Variants in SLC39A9 observed in about 807,000 individuals in gnomAD.
SLC39A9 encodes the protein solute carrier family 39 member 9.
Under a neutral mutation model 28.4 loss-of-function variants are expected in SLC39A9, and 14 were observed. That is an observed-to-expected ratio of 0.49 (90% CI 0.33 to 0.77). The LOEUF is 0.77. Ranked by LOEUF, SLC39A9 falls within the 30% of genes least tolerant of loss-of-function variation. The pLI is 0.02. For synonymous variants in SLC39A9, 119 were observed against 149.6 expected, an observed-to-expected ratio of 0.80 and a Z score of 1.49; for missense variants, 283 against 381.1, an observed-to-expected ratio of 0.74 and a Z score of 2.14.
chr14:69,442,060 C>T lies in SLC39A9; in HGVS notation c.206-9C>T. 1 of 1,612,730 alleles carries T rather than the reference C, an allele frequency of 6.2e-7. No individual in the cohort carries two copies. Among genetic ancestry groups the T allele is most frequent in the Non-Finnish European group, 8.5e-7 (1 of 1,179,356 alleles). ...ACATATTTTCTCTTTATGGTTTATT[C>T]TGCTCTAGGAAAACACCACCAAGCA... On this transcript the variant is annotated splice_polypyrimidine_tract_variant and intron_variant, in intron 2 of 6. Transcript: ENST00000336643.
intron 1 of SLC39A9, among the ~76,000 whole-genome samples, chr14:69,414,408 T>C (rs1377126915): frequency 6.6e-6 from 1 of 152,252 alleles, no homozygotes; most frequent in Non-Finnish European, 1.5e-5. Context: ...TTCCCCATAA[T>C]GTTACTGACA....
Position 69,430,615 on chromosome 14 carries a change from C to G in SLC39A9, c.205+6413C>G, listed in dbSNP as rs1222550131. 3.5e-5 allele frequency among the ~76,000 whole-genome samples: 5 copies of G among 141,022 alleles called. No homozygotes were observed. In the East Asian group the frequency reaches 1.0e-3, roughly 28 times the overall value. 92.5% of individuals were successfully genotyped at this position (141,022 alleles called of 152,430 possible). A position where few individuals can be genotyped will look rare whatever the true frequency, so the allele number is the denominator to read the frequency against. On this transcript the variant is annotated intron_variant, in intron 2 of 6. Transcript: ENST00000336643. ...TCAAGTAGTGGAGTCCTTCTTTGTT[C>G]TTATTTTTCTTTCTTTTTTTTTTTT...
Position 69,461,490 on chromosome 14 carries a change from T to G in SLC39A9, c.*2897T>G. 1.4e-6 allele frequency: 2 copies of G among 1,424,384 alleles called. No individual in the cohort carries two copies. Among genetic ancestry groups the G allele is most frequent in the Non-Finnish European group, 1.8e-6 (2 of 1,092,542 alleles). 88.2% of individuals were successfully genotyped at this position (1,424,384 alleles called of 1,614,324 possible). Reference sequence around the variant, plus strand: ...TACTACCTACCTAGAGGTTATGTGTTTTCTCTTTCTCCCCGCTTTCACCTC... The same window carrying G: ...TACTACCTACCTAGAGGTTATGTGTGTTCTCTTTCTCCCCGCTTTCACCTC... On this transcript the variant is annotated 3_prime_UTR_variant, in exon 7 of 7. Coordinates refer to ENST00000336643, the MANE Select transcript of SLC39A9 (RefSeq NM_018375.5).
At chr14:69,429,679 C>T (rs753004557) in intron 2 of SLC39A9, among the ~76,000 whole-genome samples, 1 of 152,212 alleles carries the variant, frequency 6.6e-6, no homozygotes, top group African/African-American at 2.4e-5. Flanking sequence ...GATTGTGCCA[C>T]TGCACTCCAG....
At chr14:69,422,672 C>T (rs1883963283) in intron 1 of SLC39A9, among the ~76,000 whole-genome samples, 1 of 152,160 alleles carries the variant, frequency 6.6e-6, no homozygotes, top group African/African-American at 2.4e-5. Flanking sequence ...GCAACCTTCA[C>T]CTGCTGGGTT....
At chr14:69,450,747 C>G (rs1885567039) in intron 3 of SLC39A9, among the ~76,000 whole-genome samples, 1 of 152,182 alleles carries the variant, frequency 6.6e-6, no homozygotes, top group African/African-American at 2.4e-5. Flanking sequence ...TCACTCCAGC[C>G]TGGGCAACAA....
chr14:69,424,184 T>C lies in SLC39A9; in HGVS notation c.187T>C (p.Tyr63His). Reference sequence around the variant, plus strand: ...CGTGCCTGAAGGAGTACATGCCCTTTATGAAGATATTCTTGAGGGTGAGAA... The same window carrying C: ...CGTGCCTGAAGGAGTACATGCCCTTCATGAAGATATTCTTGAGGGTGAGAA... ...VIVPEGVHAL[Y>H]EDILEGKHHQ... The change falls in exon 2 of 7, where the codon TAT (tyrosine) becomes CAT (histidine). Residue 63 changes from tyrosine (Y) to histidine (H), a missense_variant. Physicochemically the swap from Tyr to His is moderately conservative, Grantham distance 83. Coordinates refer to ENST00000336643, the MANE Select transcript of SLC39A9 (RefSeq NM_018375.5). The C allele has an allele frequency of 6.2e-7, 1 of 1,612,838 alleles. No homozygotes were observed. Among genetic ancestry groups the C allele is most frequent in the Non-Finnish European group, 8.5e-7 (1 of 1,178,914 alleles).
At chr14:69,453,198 T>A in intron 3 of SLC39A9, 43 bp from the exon 4 acceptor site, 1 of 1,542,490 alleles carries the variant, frequency 6.5e-7, no homozygotes, top group Non-Finnish European at 9.0e-7. Flanking sequence ...GAACAGTTTC[T>A]GTCTCACATA....
Position 69,458,653 on chromosome 14 carries a change from G to C in SLC39A9, c.*60G>C. The stretch of plus-strand genomic sequence containing the variant: ...GCCATCCAGTGAGAACAGCCGGCAC[G>C]TGACAGCTACTCACTTCCTCAGTCT... On this transcript the variant is annotated 3_prime_UTR_variant, in exon 7 of 7. Coordinates refer to ENST00000336643, the MANE Select transcript of SLC39A9 (RefSeq NM_018375.5). 1.3e-6 allele frequency: 2 copies of C among 1,498,976 alleles called. No individual in the cohort carries two copies. The highest frequency in any genetic ancestry group is 1.3e-5 in the South Asian group (1 of 77,688). The allele number at this position is 1,498,976 out of a possible 1,614,324, so 92.9% of individuals were successfully genotyped here.
chr14:69,415,512 A>C (rs924007473), intron 1 of SLC39A9, among the ~76,000 whole-genome samples: 5 of 152,234 alleles, frequency 3.3e-5, no homozygotes, highest in Non-Finnish European at 7.3e-5. Context: ...TTCTACTTCA[A>C]ATACAAATCC....
chr14:69,446,943 T>TAG (rs35109256), intron 3 of SLC39A9, among the ~76,000 whole-genome samples: 2,829 of 131,364 alleles, frequency 0.022, 35 homozygotes, highest in South Asian at 0.069. Context: ...TATATATATA[T>TAG]ATATAGAGAG....
At chr14:69,429,197 C>T (rs924405115) in intron 2 of SLC39A9, 4 of 152,170 alleles carry the variant, frequency 2.6e-5, no homozygotes, top group African/African-American at 9.7e-5. Flanking sequence ...AACTAAATAG[C>T]TGGTATCATC....
rs1594959793 is a variant in SLC39A9 at position 69,461,462 on chromosome 14, C to T, written c.*2869C>T. The T allele has an allele frequency of 7.3e-7, 1 of 1,368,060 alleles. No homozygotes were observed. The highest frequency in any genetic ancestry group is 3.0e-5 in the Admixed American group (1 of 33,444). 84.7% of individuals were successfully genotyped at this position (1,368,060 alleles called of 1,614,324 possible). On this transcript the variant is annotated 3_prime_UTR_variant, in exon 7 of 7. Transcript: ENST00000336643. ...GCACTGGAACGTAGACAGTTGGAAA[C>T]AGTACTACCTACCTAGAGGTTATGT...
At position 69,399,403 on chromosome 14, in the gene SLC39A9, C is replaced by T. The variant is rs375877221; in HGVS notation, c.34C>T (p.Leu12=). ...DDFISISLLS[L]AMLVGCYVAG... ...TTTCATCTCCATTAGCCTGCTGTCTCTGGCTATGTTGGTGGGATGTTACGT... is the reference window on the plus strand; with the variant it reads ...TTTCATCTCCATTAGCCTGCTGTCTTTGGCTATGTTGGTGGGATGTTACGT... Residue 12 remains leucine, a synonymous_variant, in exon 1 of 7, where the codon CTG becomes TTG. Transcript: ENST00000336643. 7.8e-5 allele frequency: 126 copies of T among 1,614,010 alleles called. No individual in the cohort carries two copies. The highest frequency in any genetic ancestry group is 2.1e-4 in the South Asian group (19 of 91,072).
rs1883230061 is a variant in SLC39A9, at chr14:69,410,966, C to A, written c.96+11501C>A. Among the ~76,000 whole-genome samples the A allele has an allele frequency of 3.3e-5, 5 of 152,056 alleles. No individual in the cohort carries two copies. The South Asian group carries it at 1.0e-3, about 32-fold the overall frequency. On this transcript the variant is annotated intron_variant, in intron 1 of 6. Transcript: ENST00000336643. ...GTGGCTCATGCCTGTAATCCCAGTA[C>A]TTTGGGAGGCCAAGGCTGGTGGATC...
chr14:69,399,506 G>A, intron 1 of SLC39A9, 41 bp downstream of exon 1: 1 of 1,543,436 alleles, frequency 6.5e-7, no homozygotes. Flanking sequence ...CAGGATGGCT[G>A]TGAGATAGTA....
rs1307243243 is a variant in SLC39A9 at position 69,460,797 on chromosome 14, A to G, written c.*2204A>G. ...AGGGCCCTCTTAGCTCTCAGAAGCTATGTATGGGCTTTCCCAGATTTTAAA... is the reference window on the plus strand; with the variant it reads ...AGGGCCCTCTTAGCTCTCAGAAGCTGTGTATGGGCTTTCCCAGATTTTAAA... On this transcript the variant is annotated 3_prime_UTR_variant, in exon 7 of 7. Transcript: ENST00000336643. The G allele has an allele frequency of 2.0e-6, 2 of 985,368 alleles. No homozygotes were observed. The highest frequency in any genetic ancestry group is 1.7e-5 in the African/African-American group (1 of 57,256). 61.0% of individuals were successfully genotyped at this position (985,368 alleles called of 1,614,324 possible). A position where few individuals can be genotyped will look rare whatever the true frequency, so the allele number is the denominator to read the frequency against.
chr14:69,429,525 G>A (rs2140281341), intron 2 of SLC39A9: 1 of 152,172 alleles, frequency 6.6e-6, no homozygotes, highest in African/African-American at 2.4e-5. Context: ...ATACTTACAG[G>A]TGCCAGCCTG....
At position 69,460,508 on chromosome 14, in the gene SLC39A9, C is replaced by T; in HGVS notation, c.*1915C>T. 1.0e-6 allele frequency: 1 copy of T among 985,430 alleles called. No homozygotes were observed. The highest frequency in any genetic ancestry group is 1.2e-6 in the Non-Finnish European group (1 of 829,928). The allele number at this position is 985,430 out of a possible 1,614,324, so 61.0% of individuals were successfully genotyped here. A position where few individuals can be genotyped will look rare whatever the true frequency, so the allele number is the denominator to read the frequency against. On this transcript the variant is annotated 3_prime_UTR_variant, in exon 7 of 7. Transcript: ENST00000336643. ...AAAACTATATGGTTGCCTAGATTCT[C>T]TCTGGAAACTGACTTTGTCAAATAA...
Sources: allele counts gnomAD v4.1 joint callset (sites outside exome capture counted in the v4.1 genomes callset), GRCh38; gene constraint gnomAD v4.1.1; transcripts MANE v1.5; gene names NCBI Gene and HGNC (gene_info 2026-07-23, HGNC 2026-07-21).